Variants in OSTF1 observed in about 807,000 individuals in gnomAD.
The protein encoded by OSTF1 is osteoclast-stimulating factor 1.
Under a neutral mutation model 37.2 loss-of-function variants are expected in OSTF1, and 27 were observed. That is an observed-to-expected ratio of 0.73 (90% CI 0.54 to 1.00). OSTF1 has a LOEUF of 1.00. OSTF1 is among the 50% of genes least tolerant of loss of function. The pLI, the probability that OSTF1 is intolerant of heterozygous loss-of-function variation, is 0.00. For synonymous variants in OSTF1, 82 were observed against 89.2 expected (o/e 0.92, Z 0.46); for missense variants, 232 against 253.8 (o/e 0.91, Z 0.58).
intron 2 of OSTF1, among the ~76,000 whole-genome samples, chr9:75,121,355 T>TA (rs567412228): frequency 2.0e-5 from 3 of 152,212 alleles, no homozygotes; most frequent in East Asian, 1.9e-4. Flanking sequence ...CCACTGCTTT[T>TA]AAAAAAATCT....
At chr9:75,125,363 A>G (rs573587514) in intron 2 of OSTF1, among the ~76,000 whole-genome samples, 1 of 152,324 alleles carries the variant, frequency 6.6e-6, no homozygotes, top group East Asian at 1.9e-4. Context: ...TATCTATCAC[A>G]TATTGGTAGT....
chr9:75,088,807 A>C, intron 1 of OSTF1, 81 bp downstream of exon 1: 1 of 1,376,182 alleles, frequency 7.3e-7, no homozygotes, highest in Non-Finnish European at 1.0e-6. Context: ...GGCAGGGAGG[A>C]CCCGGCGCGC....
At chr9:75,123,757 G>T (rs1372770311) in intron 2 of OSTF1, among the ~76,000 whole-genome samples, 1 of 152,136 alleles carries the variant, frequency 6.6e-6, no homozygotes, top group Non-Finnish European at 1.5e-5. Flanking sequence ...GTAGCATTCC[G>T]TGTCTGGGAG....
chr9:75,130,529 G>A (rs774181912), intron 3 of OSTF1, 49 bp from the exon 4 acceptor site: 53 of 1,213,384 alleles, frequency 4.4e-5, no homozygotes, highest in Non-Finnish European at 6.4e-5. Flanking sequence ...AAAAGTGAAT[G>A]AATGCAGTCT....
intron 1 of OSTF1, among the ~76,000 whole-genome samples, chr9:75,113,201 C>G (rs1158464903): frequency 6.6e-6 from 1 of 152,060 alleles, no homozygotes; most frequent in African/African-American, 2.4e-5. Flanking sequence ...TCCTCCCAAT[C>G]CCAAATCACA....
At chr9:75,090,005 A>T (rs1317319393) in intron 1 of OSTF1, among the ~76,000 whole-genome samples, 1 of 152,138 alleles carries the variant, frequency 6.6e-6, no homozygotes, top group Non-Finnish European at 1.5e-5. Context: ...CTGGGCAAAG[A>T]TGGGGCACAG....
intron 9 of OSTF1, among the ~76,000 whole-genome samples, chr9:75,145,177 A>ATCTATCTATCTATCTATCTATCTAATCT (rs10701570): frequency 4.0e-5 from 6 of 148,944 alleles, no homozygotes; most frequent in Admixed American, 3.4e-4. Flanking sequence ...CTATCTATCT[A>ATCTATCTATCTATCTATCTATCTAATCT]ATCTATCTAT....
At chr9:75,133,526 C>A in intron 6 of OSTF1, 125 bp downstream of exon 6, 2 of 609,664 alleles carry the variant, frequency 3.3e-6, no homozygotes, top group East Asian at 5.6e-5. Context: ...TTTAGAATAC[C>A]GGCCAAAACC....
chr9:75,140,603 G>A (rs563355505), intron 8 of OSTF1, among the ~76,000 whole-genome samples: 1 of 152,288 alleles, frequency 6.6e-6, no homozygotes, highest in Non-Finnish European at 1.5e-5. Flanking sequence ...ATTCTATAGG[G>A]ACTCAAAAGG....
intron 8 of OSTF1, among the ~76,000 whole-genome samples, chr9:75,138,643 T>G (rs1393928820): frequency 6.6e-6 from 1 of 152,232 alleles, no homozygotes; most frequent in Non-Finnish European, 1.5e-5. Context: ...AAAAATAATT[T>G]CACATTTTGC....
At chr9:75,127,162 G>A (rs902431709) in intron 2 of OSTF1, among the ~76,000 whole-genome samples, 3 of 152,252 alleles carry the variant, frequency 2.0e-5, no homozygotes, top group Middle Eastern at 3.4e-3. Flanking sequence ...AAGGATTGAG[G>A]CCTTGTTTAA....
intron 3 of OSTF1, among the ~76,000 whole-genome samples, chr9:75,129,390 C>T (rs928207733): frequency 2.6e-5 from 4 of 152,082 alleles, no homozygotes; most frequent in African/African-American, 9.7e-5. Flanking sequence ...AAGAGGTATT[C>T]AGGTTATTTC....
intron 2 of OSTF1, among the ~76,000 whole-genome samples, chr9:75,120,180 G>T (rs1825556694): frequency 6.6e-6 from 1 of 152,162 alleles, no homozygotes; most frequent in South Asian, 2.1e-4. Flanking sequence ...TCGTAAAGTT[G>T]ACAAATTGTT....
intron 1 of OSTF1, among the ~76,000 whole-genome samples, chr9:75,093,050 CTCTT>C (rs3060046): frequency 0.28 from 37,142 of 134,674 alleles, 5,481 homozygotes; most frequent in Admixed American, 0.3. Context: ...TTCTCTCTCT[CTCTT>C]TCTTTCTTTC....
chr9:75,089,246 T>C (rs1459685338), intron 1 of OSTF1, among the ~76,000 whole-genome samples: 3 of 150,692 alleles, frequency 2.0e-5, no homozygotes, highest in African/African-American at 7.3e-5. Context: ...CCTCGGGATC[T>C]TGGGAAGAGC....
rs182446923 is a variant in OSTF1 at position 75,093,196 on chromosome 9, C to G, written c.34+4470C>G. Among the ~76,000 whole-genome samples, 7 of 152,006 alleles carry G rather than the reference C, an allele frequency of 4.6e-5. No homozygotes were observed. The East Asian group carries it at 1.2e-3, about 25-fold the overall frequency. ...TATAGATGCTCACCACCAAACCTGG[C>G]TGAGACCCTCCTTTCCTTTTTCTGA... On this transcript the variant is annotated intron_variant, in intron 1 of 9. Coordinates refer to ENST00000346234, the MANE Select transcript of OSTF1 (RefSeq NM_012383.5).
At chr9:75,124,509 A>C (rs1309458987) in intron 2 of OSTF1, among the ~76,000 whole-genome samples, 1 of 152,210 alleles carries the variant, frequency 6.6e-6, no homozygotes, top group Non-Finnish European at 1.5e-5. Context: ...TCTCACAAAT[A>C]AGTGAGAACA....
intron 2 of OSTF1, among the ~76,000 whole-genome samples, chr9:75,119,788 A>C (rs1266299719): frequency 6.6e-6 from 1 of 152,290 alleles, no homozygotes; most frequent in Non-Finnish European, 1.5e-5. Context: ...AACATGGTGA[A>C]ACCCATCTCT....
In OSTF1 at chr9:75,107,138, C is replaced by T. The variant is rs117910085; in HGVS notation, c.35-10366C>T. Reference sequence around the variant, plus strand: ...GAGCCTGTGTTGGCCCAACAGAGTACAGCTGTTTTCTGTCACCCCAAGAAT... The same window carrying T: ...GAGCCTGTGTTGGCCCAACAGAGTATAGCTGTTTTCTGTCACCCCAAGAAT... On this transcript the variant is annotated intron_variant, in intron 1 of 9. Transcript: ENST00000346234. Among the ~76,000 whole-genome samples the T allele has an allele frequency of 8.0e-3, 1,207 of 151,080 alleles. 19 individuals are homozygous for T. The highest frequency in any genetic ancestry group is 6.3e-3 in the Non-Finnish European group (426 of 67,964).
Sources: allele counts gnomAD v4.1 joint callset (sites outside exome capture counted in the v4.1 genomes callset), GRCh38; gene constraint gnomAD v4.1.1; transcripts MANE v1.5; gene names NCBI Gene and HGNC (gene_info 2026-07-23, HGNC 2026-07-21).